Variants in UGGT1 observed in about 807,000 individuals in gnomAD.
The protein encoded by UGGT1 is UDP-glucose:glycoprotein glucosyltransferase 1.
A neutral mutation model predicts 203.9 loss-of-function variants in UGGT1; 107 were observed. That is an observed-to-expected ratio of 0.52 (90% CI 0.45 to 0.62). The LOEUF (loss-of-function observed/expected upper bound fraction) is 0.62. Ranked by LOEUF, UGGT1 falls within the 20% of genes least tolerant of loss-of-function variation. The pLI is 0.00. For missense variants in UGGT1, 1,673 were observed against 1,867.2 expected, an observed-to-expected ratio of 0.90 and a Z score of 1.92; for synonymous variants, 628 against 653.5, an observed-to-expected ratio of 0.96 and a Z score of 0.59.
At chr2:128,152,408 C>T (rs1338219165) in intron 18 of UGGT1, among the ~76,000 whole-genome samples, 1 of 152,214 alleles carries the variant, frequency 6.6e-6, no homozygotes, top group Non-Finnish European at 1.5e-5. Flanking sequence ...ATCTGCCTTC[C>T]TCAGCCTCCC....
In UGGT1 at chr2:128,170,362, A is replaced by G. The variant is rs1383199710; in HGVS notation, c.2996A>G (p.Glu999Gly). Reference sequence around the variant, plus strand: ...GCTGTCGTTGACCCTGTCACCAGAGAAGCACAGAGACTTGCTCCTTTGCTC... The same window carrying G: ...GCTGTCGTTGACCCTGTCACCAGAGGAGCACAGAGACTTGCTCCTTTGCTC... ...VVAVVDPVTR[E>G]AQRLAPLLLV... Residue 999 changes from glutamate to glycine, a missense_variant, in exon 27 of 41, where the codon GAA (glutamate) becomes GGA (glycine). By Grantham distance (98) the Glu-to-Gly change is moderately conservative. Transcript: ENST00000259253. 1.2e-6 allele frequency: 2 copies of G among 1,614,078 alleles called. No homozygotes were observed. Among genetic ancestry groups the G allele is most frequent in the East Asian group, 4.5e-5 (2 of 44,894 alleles).
chr2:128,174,424 G>GAGT, intron 30 of UGGT1, among the ~76,000 whole-genome samples: 1 of 150,820 alleles, frequency 6.6e-6, no homozygotes, highest in Non-Finnish European at 1.5e-5. Context: ...CCAGCCTCCT[G>GAGT]AGTAGCTGGG....
At chr2:128,154,060 T>TACACACACACACAC (rs10597837) in intron 19 of UGGT1, among the ~76,000 whole-genome samples, 1 of 149,696 alleles carries the variant, frequency 6.7e-6, no homozygotes. Flanking sequence ...CATGTATATA[T>TACACACACACACAC]ACACACACAC....
rs1200925692 is a variant in UGGT1 at position 128,178,482 on chromosome 2, A to G, written c.3728A>G (p.Gln1243Arg). ...TATTGTTATAGGGGCTTTACAGGAC[A>G]GAAGACTGAGGAAGTGAAGCAAGAT... ...WDSFKWGFTG[Q>R]KTEEVKQDKD... The change falls in exon 34 of 41, where the codon CAG (glutamine) becomes CGG (arginine). Residue 1243 changes from glutamine to arginine, a missense_variant. Physicochemically the swap from Gln to Arg is conservative, Grantham distance 43 (BLOSUM62 1). This residue lies in a region of UGGT1 where 513 missense variants were observed against 684.1 expected (regional missense o/e 0.75). Transcript: ENST00000259253. The G allele has an allele frequency of 1.2e-6, 2 of 1,613,888 alleles. No individual in the cohort carries two copies. Among genetic ancestry groups the G allele is most frequent in the Admixed American group, 1.7e-5 (1 of 59,988 alleles).
chr2:128,116,334 G>A lies in UGGT1; in HGVS notation c.863G>A (p.Gly288Glu). 6.2e-7 allele frequency: 1 copy of A among 1,605,600 alleles called. No individual in the cohort carries two copies. Among genetic ancestry groups the A allele is most frequent in the Non-Finnish European group, 8.5e-7 (1 of 1,172,442 alleles). Reference sequence around the variant, plus strand: ...GATGAGGTTCAGGGGTTCCTCTTTGGAAAATTAAGGTATGTATGTTCTGTG... The same window carrying A: ...GATGAGGTTCAGGGGTTCCTCTTTGAAAAATTAAGGTATGTATGTTCTGTG... ...PIDEVQGFLF[G>E]KLRDLHPDLE... The change falls in exon 8 of 41, where the codon GGA becomes GAA. Residue 288 changes from glycine to glutamate, a missense_variant. Gly to Glu is a moderately conservative substitution (Grantham distance 98). Transcript: ENST00000259253.
At chr2:128,140,192 C>T in intron 16 of UGGT1, 1 of 173,450 alleles carries the variant, frequency 5.8e-6, no homozygotes, top group Non-Finnish European at 1.3e-5. Context: ...ATGGCCATAC[C>T]CGGCAGGAAT....
At chr2:128,157,170 G>T in intron 21 of UGGT1, 82 bp from the exon 22 acceptor site, 2 of 957,618 alleles carry the variant, frequency 2.1e-6, no homozygotes, top group South Asian at 1.4e-5. Flanking sequence ...CAAATTATTT[G>T]GTCAATTTCA....
rs544381740 is a variant in UGGT1 at position 128,169,048 on chromosome 2, T to TAAAAAAAAA, written c.2922-1205_2922-1197dup. Among the ~76,000 whole-genome samples, 54 of 52,568 alleles carry TAAAAAAAAA rather than the reference T, an allele frequency of 1.0e-3. 5 individuals carry two copies. Among genetic ancestry groups the TAAAAAAAAA allele is most frequent in the East Asian group, 1.8e-3 (3 of 1,680 alleles). 34.5% of individuals were successfully genotyped at this position (52,568 alleles called of 152,430 possible). The stretch of plus-strand genomic sequence containing the variant: ...GGGTGAATGAGCGAGACTCTGTCTT[T>TAAAAAAAAA]AAAAAAAAAAAAAAAAAAAAAAAAA... On this transcript the variant is annotated intron_variant, in intron 26 of 40. Transcript: ENST00000259253.
chr2:128,109,720 G>GT lies in UGGT1; in HGVS notation c.495_496insT (p.Ala166CysfsTer8). On this transcript the variant is annotated frameshift_variant, in exon 5 of 41. Coordinates refer to ENST00000259253, the MANE Select transcript of UGGT1 (RefSeq NM_020120.4). LOFTEE classifies it high-confidence loss of function. Reference sequence around the variant, plus strand: ...AGACTTGTGAATCTGATACCCTTGAGGCTCTTCTACTGACAGCCTCTGAAA... The same window carrying GT: ...AGACTTGTGAATCTGATACCCTTGAGTGCTCTTCTACTGACAGCCTCTGAAA... The GT allele has an allele frequency of 6.2e-7, 1 of 1,613,938 alleles. No individual in the cohort carries two copies. Among genetic ancestry groups the GT allele is most frequent in the Non-Finnish European group, 8.5e-7 (1 of 1,179,930 alleles).
intron 19 of UGGT1, 102 bp downstream of exon 19, chr2:128,153,006 C>T (rs1037457910): frequency 7.2e-6 from 11 of 1,526,510 alleles, no homozygotes; most frequent in Non-Finnish European, 9.7e-6. Context: ...CTGCAGTGTT[C>T]AGAAGATAGC....
At chr2:128,114,870 A>G (rs1688027647) in intron 6 of UGGT1, among the ~76,000 whole-genome samples, 1 of 152,202 alleles carries the variant, frequency 6.6e-6, no homozygotes, top group South Asian at 2.1e-4. Flanking sequence ...TTTTTAAAAC[A>G]TATAATCAAT....
At chr2:128,142,957 G>A in intron 16 of UGGT1, 137 bp from the exon 17 acceptor site, 1 of 900,936 alleles carries the variant, frequency 1.1e-6, no homozygotes, top group East Asian at 3.1e-5. Context: ...TCCAACCTGG[G>A]TGACAGCAAA....
Position 128,123,242 on chromosome 2 carries a change from A to G in UGGT1, c.1130A>G (p.Gln377Arg), listed in dbSNP as rs145904892. ...SELRTEVEEN[Q>R]KYFKGTLGLQ... ...CTTAGAACCGAAGTGGAAGAGAATC[A>G]GAAGGTATTCACCGATAGAAAATAC... Residue 377 changes from glutamine to arginine, a missense_variant, in exon 11 of 41, where the codon CAG (glutamine) becomes CGG (arginine). Coordinates refer to ENST00000259253, the MANE Select transcript of UGGT1 (RefSeq NM_020120.4). The G allele has an allele frequency of 2.5e-6, 4 of 1,613,352 alleles. No homozygotes were observed. The highest frequency in any genetic ancestry group is 2.7e-5 in the African/African-American group (2 of 75,036).
intron 3 of UGGT1, among the ~76,000 whole-genome samples, chr2:128,105,549 C>G (rs1265194423): frequency 6.6e-6 from 1 of 150,596 alleles, no homozygotes; most frequent in Non-Finnish European, 1.5e-5. Context: ...GAGTCTTACT[C>G]TGTTGCCCAG....
At position 128,159,767 on chromosome 2, in the gene UGGT1, G is replaced by A. The variant is rs374659742; in HGVS notation, c.2562+47G>A. The stretch of plus-strand genomic sequence containing the variant: ...GAGGCTGCCCCATTTTGTCTGCCAC[G>A]GAAGCTCACCCACTGCAGCTTACGT... On this transcript the variant is annotated intron_variant, in intron 23 of 40. Coordinates refer to ENST00000259253, the MANE Select transcript of UGGT1 (RefSeq NM_020120.4). 72 of 1,585,582 alleles carry A rather than the reference G, an allele frequency of 4.5e-5. No homozygotes were observed. The African/African-American group carries it at 5.4e-4, about 12-fold the overall frequency.
intron 1 of UGGT1, among the ~76,000 whole-genome samples, chr2:128,097,007 C>T (rs62157705): frequency 0.14 from 21,643 of 152,208 alleles, 1,968 homozygotes; most frequent in Non-Finnish European, 0.2. Context: ...ATTTCTGTTT[C>T]GCTAACTTAT....
In UGGT1 at chr2:128,109,112, G is replaced by A. The variant is rs185644996; in HGVS notation, c.409-522G>A. ...TCGCCGTGTTGGCTAGGCTGGTCTC[G>A]ATCTCCTGACCACAGGAGATCTGCC... On this transcript the variant is annotated intron_variant, in intron 4 of 40. Transcript: ENST00000259253. Among the ~76,000 whole-genome samples, 126 of 152,116 alleles carry A rather than the reference G, an allele frequency of 8.3e-4. 5 individuals carry two copies. In the East Asian group the frequency reaches 0.021, roughly 25 times the overall value.
intron 29 of UGGT1, 93 bp downstream of exon 29, chr2:128,172,855 C>G: frequency 8.3e-7 from 1 of 1,198,226 alleles, no homozygotes; most frequent in South Asian, 1.5e-5. Context: ...CATCAGTGTT[C>G]AGGTATGATA....
intron 22 of UGGT1, among the ~76,000 whole-genome samples, chr2:128,159,224 C>T (rs536756459): frequency 6.6e-6 from 1 of 151,332 alleles, no homozygotes; most frequent in African/African-American, 2.4e-5. Context: ...CACAGCCTTG[C>T]GAGTAGCTGG....
Sources: gnomAD v4.1 joint callset for allele counts (sites outside exome capture counted in the v4.1 genomes callset) on GRCh38, gnomAD v4.1.1 for gene constraint, gnomAD v4.1.1 regional missense constraint, MANE v1.5 for transcripts, NCBI Gene and HGNC (gene_info 2026-07-23, HGNC 2026-07-21) for gene names.